FGGY: variants seen among roughly 807,000 people sequenced by gnomAD.
FGGY encodes FGGY carbohydrate kinase domain containing, also known as FGGY carbohydrate kinase domain-containing protein.
FGGY carries 72 observed loss-of-function variants against 71.3 expected under a neutral mutation model. The observed-to-expected ratio is 1.01, with a 90% CI of 0.84 to 1.23. FGGY has a LOEUF of 1.23. Among genes scored for constraint, FGGY ranks in the 50% most tolerant of loss-of-function variants. The probability of loss-of-function intolerance (pLI) is 0.00; values close to 1 mark genes in which losing one functional copy is unlikely to be tolerated. For missense variants in FGGY, 668 were observed against 682.3 expected (o/e 0.98, Z 0.23); for synonymous variants, 251 against 250.3 (o/e 1.00, Z -0.02).
intron 14 of FGGY, among the ~76,000 whole-genome samples, chr1:59,721,337 G>GTCTTTTTTTTTTT (rs2097891527): frequency 9.5e-6 from 1 of 105,376 alleles, no homozygotes; most frequent in African/African-American, 4.2e-5. Flanking sequence ...TCTTTCCTTT[G>GTCTTTTTTTTTTT]TTTTTTTTTT....
intron 1 of FGGY, among the ~76,000 whole-genome samples, chr1:59,300,951 T>C (rs927855670): frequency 2.0e-5 from 3 of 152,194 alleles, no homozygotes; most frequent in African/African-American, 7.2e-5. Flanking sequence ...TTTTGATTAT[T>C]CTAGGTTCTA....
chr1:59,531,754 T>C (rs1347020476), intron 7 of FGGY, among the ~76,000 whole-genome samples: 1 of 152,210 alleles, frequency 6.6e-6, no homozygotes, highest in African/African-American at 2.4e-5. Context: ...GGGAGAATAC[T>C]AGTAAATCCT....
At chr1:59,497,899 G>A (rs1022358271) in intron 6 of FGGY, among the ~76,000 whole-genome samples, 31 of 137,710 alleles carry the variant, frequency 2.3e-4, no homozygotes, top group African/African-American at 7.2e-4. Context: ...TTTTCCGTAC[G>A]CAGTCTTCCA....
intron 14 of FGGY, among the ~76,000 whole-genome samples, chr1:59,698,056 T>C (rs1199190830): frequency 1.3e-5 from 2 of 152,152 alleles, no homozygotes; most frequent in Non-Finnish European, 2.9e-5. Context: ...TTCTGTATTT[T>C]TTCTGGATTT....
intron 14 of FGGY, among the ~76,000 whole-genome samples, chr1:59,740,408 A>G (rs752175322): frequency 6.6e-6 from 1 of 152,118 alleles, no homozygotes; most frequent in Non-Finnish European, 1.5e-5. Flanking sequence ...CTGCCATTAA[A>G]TCTCCCAGCT....
At position 59,321,617 on chromosome 1, in the gene FGGY, G is replaced by A. The variant is rs766518834; in HGVS notation, c.68G>A (p.Arg23His). 5.2e-5 allele frequency: 84 copies of A among 1,613,852 alleles called. No homozygotes were observed. Among genetic ancestry groups the A allele is most frequent in the Middle Eastern group, 3.3e-4 (2 of 6,062 alleles). Residue 23 changes from arginine to histidine, a missense_variant, in exon 2 of 16, where the codon CGT becomes CAT. By Grantham distance (29) the Arg-to-His change is conservative. Around this residue, in one of 2 missense-constraint regions of FGGY, gnomAD observed 661 missense variants for 661.6 expected, o/e 1.00. Coordinates refer to ENST00000303721, the MANE Select transcript of FGGY (RefSeq NM_018291.5). ...VGVDVGTGSVRAALVDQSGVL... is the reference protein window; with the variant it reads ...VGVDVGTGSVHAALVDQSGVL... ...GTGGACGTTGGAACAGGCAGTGTCCGTGCAGCTCTGGTGGACCAGAGTGGG... is the reference window on the plus strand; with the variant it reads ...GTGGACGTTGGAACAGGCAGTGTCCATGCAGCTCTGGTGGACCAGAGTGGG...
At chr1:59,551,730 A>G (rs2095611290) in intron 7 of FGGY, among the ~76,000 whole-genome samples, 1 of 152,166 alleles carries the variant, frequency 6.6e-6, no homozygotes, top group African/African-American at 2.4e-5. Context: ...GTTACTACTC[A>G]TTTCTAAGCT....
chr1:59,589,082 A>G lies in FGGY; in HGVS notation c.904-18721A>G, dbSNP rs182750642. 4.5e-3 allele frequency among the ~76,000 whole-genome samples: 691 copies of G among 152,330 alleles called. 4 individuals are homozygous for G. The highest frequency in any genetic ancestry group is 6.5e-3 in the Non-Finnish European group (443 of 68,022). On this transcript the variant is annotated intron_variant, in intron 8 of 15. Coordinates refer to ENST00000303721, the MANE Select transcript of FGGY (RefSeq NM_018291.5). The stretch of plus-strand genomic sequence containing the variant: ...GAGACACACATAGGCTCAAAATAAA[A>G]GGATGGAGGAAGATCTCCCATGCAA...
rs188828910 is a variant in FGGY at position 59,370,285 on chromosome 1, G to A, written c.466-8464G>A. Among the ~76,000 whole-genome samples, 18 of 152,290 alleles carry A rather than the reference G, an allele frequency of 1.2e-4. No homozygotes were observed. In the South Asian group the frequency reaches 2.3e-3, roughly 19 times the overall value. On this transcript the variant is annotated intron_variant, in intron 4 of 15. Transcript: ENST00000303721. ...GAAGAATGCAGAAGCCTCAGGAGAC[G>A]ATGCGATCACCTGGAAGAAAGCGAT... is the stretch of plus-strand genomic sequence containing the variant.
intron 14 of FGGY, chr1:59,733,274 G>A: frequency 6.5e-6 from 1 of 153,980 alleles, no homozygotes; most frequent in Middle Eastern, 5.3e-4. Flanking sequence ...AAGGGCTCAT[G>A]TCTTCTGGCC....
At chr1:59,313,788 A>G (rs533596849) in intron 1 of FGGY, among the ~76,000 whole-genome samples, 1 of 152,308 alleles carries the variant, frequency 6.6e-6, no homozygotes, top group South Asian at 2.1e-4. Flanking sequence ...GACACAATGG[A>G]CATTGGGGAC....
At chr1:59,349,014 T>C (rs2052705451) in intron 4 of FGGY, among the ~76,000 whole-genome samples, 1 of 152,130 alleles carries the variant, frequency 6.6e-6, no homozygotes, top group Non-Finnish European at 1.5e-5. Flanking sequence ...AAACACAAAA[T>C]TGGAATATAG....
At chr1:59,651,300 G>A (rs1455120135) in intron 11 of FGGY, among the ~76,000 whole-genome samples, 8 of 151,676 alleles carry the variant, frequency 5.3e-5, no homozygotes. Context: ...CAATTCCTGG[G>A]TATCCTTGTT....
At chr1:59,603,793 A>G (rs2153812510) in intron 8 of FGGY, among the ~76,000 whole-genome samples, 1 of 152,350 alleles carries the variant, frequency 6.6e-6, no homozygotes, top group South Asian at 2.1e-4. Flanking sequence ...GGTTATGTTC[A>G]GTTTGAGTAA....
chr1:59,415,316 T>C (rs185273629), intron 5 of FGGY, among the ~76,000 whole-genome samples: 5 of 152,368 alleles, frequency 3.3e-5, no homozygotes, highest in Admixed American at 2.6e-4. Flanking sequence ...AAAACTGTGT[T>C]GTGATTTCAC....
intron 5 of FGGY, among the ~76,000 whole-genome samples, chr1:59,406,882 T>C (rs1421718865): frequency 6.6e-6 from 1 of 152,242 alleles, no homozygotes; most frequent in African/African-American, 2.4e-5. Flanking sequence ...TATCACATGA[T>C]ACACGATTCT....
intron 5 of FGGY, among the ~76,000 whole-genome samples, chr1:59,425,013 C>T (rs1315922584): frequency 1.3e-5 from 2 of 152,144 alleles, no homozygotes; most frequent in African/African-American, 4.8e-5. Flanking sequence ...GGACTCTTTC[C>T]CTTATCTGCT....
chr1:59,338,993 T>C (rs2050139006), intron 2 of FGGY, among the ~76,000 whole-genome samples: 1 of 152,206 alleles, frequency 6.6e-6, no homozygotes, highest in East Asian at 1.9e-4. Flanking sequence ...TTCAAAACTT[T>C]TTGAGTGGCA....
At chr1:59,340,822 C>T (rs1341946590) in intron 3 of FGGY, among the ~76,000 whole-genome samples, 2 of 152,174 alleles carry the variant, frequency 1.3e-5, no homozygotes, top group Non-Finnish European at 2.9e-5. Flanking sequence ...AGAAAAACCA[C>T]TGCACCTGTG....
Sources: allele counts gnomAD v4.1 joint callset (sites outside exome capture counted in the v4.1 genomes callset), GRCh38; gene constraint gnomAD v4.1.1; regional missense constraint gnomAD v4.1.1; transcripts MANE v1.5; gene names NCBI Gene and HGNC (gene_info 2026-07-23, HGNC 2026-07-21).